TRAM2: variants seen among roughly 807,000 people sequenced by gnomAD.
TRAM2 encodes translocation associated membrane protein 2.
Under a neutral mutation model 51.0 loss-of-function variants are expected in TRAM2, and 12 were observed. That is an observed-to-expected ratio of 0.24 (90% CI 0.15 to 0.38). TRAM2 has a LOEUF of 0.38. TRAM2 is among the 10% of genes least tolerant of loss of function. The pLI is 1.00. For missense variants in TRAM2, 361 were observed against 462.0 expected, an observed-to-expected ratio of 0.78 and a Z score of 2.00; for synonymous variants, 175 against 179.4, an observed-to-expected ratio of 0.98 and a Z score of 0.20.
Position 52,547,300 on chromosome 6 carries a change from C to CAG in TRAM2, c.121-11456_121-11455dup, listed in dbSNP as rs1317404957. On this transcript the variant is annotated intron_variant, in intron 1 of 10. Coordinates refer to ENST00000182527, the MANE Select transcript of TRAM2 (RefSeq NM_012288.4). Reference sequence around the variant, plus strand: ...TACACCAATCCAACGGGTATTTCTTCAGGAACTGAGATCCAGTGCTGCAGA... The same window carrying CAG: ...TACACCAATCCAACGGGTATTTCTTCAGAGGAACTGAGATCCAGTGCTGCAGA... Among the ~76,000 whole-genome samples the CAG allele has an allele frequency of 2.0e-5, 3 of 152,156 alleles. No homozygotes were observed. The East Asian group carries it at 5.8e-4, about 29-fold the overall frequency.
At chr6:52,571,431 CG>C (rs1323839031) in intron 1 of TRAM2, among the ~76,000 whole-genome samples, 3 of 152,160 alleles carry the variant, frequency 2.0e-5, no homozygotes, top group African/African-American at 7.2e-5. Flanking sequence ...CTGTTGTGAC[CG>C]GTCCGGACAG....
intron 2 of TRAM2, among the ~76,000 whole-genome samples, chr6:52,527,685 A>T (rs1407961156): frequency 1.3e-5 from 2 of 152,170 alleles, no homozygotes; most frequent in African/African-American, 4.8e-5. Context: ...CTGCTTATTT[A>T]AACTGCCACA....
At chr6:52,568,903 C>A (rs1045139086) in intron 1 of TRAM2, among the ~76,000 whole-genome samples, 1 of 152,220 alleles carries the variant, frequency 6.6e-6, no homozygotes, top group African/African-American at 2.4e-5. Context: ...ATTTCAAAGG[C>A]AGGGCAACTG....
At chr6:52,568,678 C>T (rs946858429) in intron 1 of TRAM2, among the ~76,000 whole-genome samples, 4 of 152,176 alleles carry the variant, frequency 2.6e-5, no homozygotes, top group Non-Finnish European at 2.9e-5. Context: ...GAGGTAGGTA[C>T]GTCCTTCTCC....
chr6:52,573,273 G>A (rs1048153468), intron 1 of TRAM2, among the ~76,000 whole-genome samples: 1 of 152,054 alleles, frequency 6.6e-6, no homozygotes, highest in Non-Finnish European at 1.5e-5. Flanking sequence ...GGGGGAGGAG[G>A]CTACTTTCAA....
At chr6:52,555,981 C>T (rs1349404822) in intron 1 of TRAM2, among the ~76,000 whole-genome samples, 1 of 152,146 alleles carries the variant, frequency 6.6e-6, no homozygotes, top group Non-Finnish European at 1.5e-5. Flanking sequence ...TATTTTTAAA[C>T]ATGTTATGAT....
At chr6:52,544,359 C>T (rs1767160122) in intron 1 of TRAM2, among the ~76,000 whole-genome samples, 1 of 152,118 alleles carries the variant, frequency 6.6e-6, no homozygotes, top group African/African-American at 2.4e-5. Context: ...CATACTACCC[C>T]TACTCCATGG....
At chr6:52,512,899 C>G (rs1766475779) in intron 4 of TRAM2, among the ~76,000 whole-genome samples, 1 of 152,212 alleles carries the variant, frequency 6.6e-6, no homozygotes. Context: ...CTGGTACAAG[C>G]ACCAGCATTA....
intron 1 of TRAM2, among the ~76,000 whole-genome samples, chr6:52,551,940 A>G (rs1179393397): frequency 6.6e-6 from 1 of 152,264 alleles, no homozygotes; most frequent in Non-Finnish European, 1.5e-5. Context: ...AGTCCCCCAC[A>G]GCATCTCCCA....
intron 1 of TRAM2, among the ~76,000 whole-genome samples, chr6:52,537,476 C>T (rs1766995653): frequency 1.3e-5 from 2 of 152,088 alleles, no homozygotes; most frequent in Admixed American, 6.6e-5. Flanking sequence ...TTCCTATACC[C>T]ACCACCACAC....
At chr6:52,510,695 GT>G (rs1409996723) in intron 4 of TRAM2, among the ~76,000 whole-genome samples, 1 of 152,194 alleles carries the variant, frequency 6.6e-6, no homozygotes, top group African/African-American at 2.4e-5. Context: ...GCAACCTCAG[GT>G]TCACTCTGAG....
In TRAM2 at chr6:52,501,260, C is replaced by T. The variant is rs1292542292; in HGVS notation, c.*1937G>A. The T allele has an allele frequency of 6.6e-6, 1 of 152,222 alleles. No homozygotes were observed. The highest frequency in any genetic ancestry group is 1.5e-5 in the Non-Finnish European group (1 of 68,034). The allele number at this position is 152,222 out of a possible 1,614,324, so 9.4% of individuals were successfully genotyped here. A position where few individuals can be genotyped will look rare whatever the true frequency, so the allele number is the denominator to read the frequency against. On this transcript the variant is annotated 3_prime_UTR_variant, in exon 11 of 11. Transcript: ENST00000182527. Reference sequence around the variant, plus strand: ...TCAAAAGCAACCACGGGTAGCTCTTCCCATTTCTGCAACCTTATCGTAGAG... The same window carrying T: ...TCAAAAGCAACCACGGGTAGCTCTTTCCATTTCTGCAACCTTATCGTAGAG...
chr6:52,544,089 A>T (rs76885522), intron 1 of TRAM2, among the ~76,000 whole-genome samples: 14,941 of 152,252 alleles, frequency 0.098, 1,338 homozygotes, highest in East Asian at 0.49. Context: ...TGCTAAGAAA[A>T]TGAACCATGA....
chr6:52,503,183 T>G lies in TRAM2; in HGVS notation c.*14A>C. The stretch of plus-strand genomic sequence containing the variant: ...GCCCCCACCAAGAGGATTCCTGTTC[T>G]TAGCACTTTGGCCTTAGGGAGACTT... On this transcript the variant is annotated 3_prime_UTR_variant, in exon 11 of 11. Transcript: ENST00000182527. 1 of 1,612,160 alleles carries G rather than the reference T, an allele frequency of 6.2e-7. No individual in the cohort carries two copies. The highest frequency in any genetic ancestry group is 1.7e-5 in the Admixed American group (1 of 59,974).
intron 2 of TRAM2, chr6:52,525,055 G>C (rs1482091797): frequency 6.6e-6 from 1 of 152,238 alleles, no homozygotes; most frequent in Admixed American, 6.5e-5. Context: ...TTACTCTTCA[G>C]AGTAATCCCG....
Position 52,497,575 on chromosome 6 carries a change from C to G in TRAM2, c.*5622G>C, listed in dbSNP as rs1018520533. 14 of 152,544 alleles carry G rather than the reference C, an allele frequency of 9.2e-5. No individual in the cohort carries two copies. The highest frequency in any genetic ancestry group is 1.5e-4 in the Non-Finnish European group (10 of 68,016). 9.4% of individuals were successfully genotyped at this position (152,544 alleles called of 1,614,324 possible). On this transcript the variant is annotated 3_prime_UTR_variant, in exon 11 of 11. Coordinates refer to ENST00000182527, the MANE Select transcript of TRAM2 (RefSeq NM_012288.4). ...CAAAAGCAAAAAGACACCCCTCCCC[C>G]CAACCCTTTTTTACATGAAAGCATA... is the stretch of plus-strand genomic sequence containing the variant.
chr6:52,507,857 T>C (rs983329762), intron 6 of TRAM2, among the ~76,000 whole-genome samples: 1 of 152,118 alleles, frequency 6.6e-6, no homozygotes, highest in African/African-American at 2.4e-5. Context: ...AGGGTGAGGT[T>C]TGGATTGAGA....
At chr6:52,574,942 C>T (rs1767739204) in intron 1 of TRAM2, among the ~76,000 whole-genome samples, 1 of 152,154 alleles carries the variant, frequency 6.6e-6, no homozygotes, top group South Asian at 2.1e-4. Flanking sequence ...GTCGCTGCAG[C>T]CTGTGGCTTT....
chr6:52,555,772 T>TG (rs1157083826), intron 1 of TRAM2, among the ~76,000 whole-genome samples: 3 of 151,998 alleles, frequency 2.0e-5, no homozygotes, highest in African/African-American at 7.3e-5. Context: ...TACTATTGAG[T>TG]GGGAAAAAAA....
Sources: allele counts gnomAD v4.1 joint callset (sites outside exome capture counted in the v4.1 genomes callset), GRCh38; gene constraint gnomAD v4.1.1; transcripts MANE v1.5; gene names NCBI Gene and HGNC (gene_info 2026-07-23, HGNC 2026-07-21).